Variants in ANGPT1 observed in about 807,000 individuals in gnomAD.
ANGPT1 encodes the protein angiopoietin 1.
A neutral mutation model predicts 62.2 loss-of-function variants in ANGPT1; 17 were observed. That is an observed-to-expected ratio of 0.27 (90% confidence interval 0.19 to 0.41). The LOEUF (loss-of-function observed/expected upper bound fraction) is 0.41. Ranked by LOEUF, ANGPT1 falls within the 10% of genes least tolerant of loss-of-function variation. The pLI, the probability that ANGPT1 is intolerant of heterozygous loss-of-function variation, is 1.00. For synonymous variants in ANGPT1, 199 were observed against 198.9 expected, an observed-to-expected ratio of 1.00 and a Z score of 0.00; for missense variants, 478 against 594.9, an observed-to-expected ratio of 0.80 and a Z score of 2.04.
chr8:107,255,402 G>C (rs1234853136), intron 8 of ANGPT1, among the ~76,000 whole-genome samples: 6 of 151,956 alleles, frequency 3.9e-5, no homozygotes, highest in Non-Finnish European at 7.4e-5. Flanking sequence ...TAAACAGGAG[G>C]GAAAACATAA....
intron 1 of ANGPT1, among the ~76,000 whole-genome samples, chr8:107,425,714 G>A (rs1811024103): frequency 6.6e-6 from 1 of 152,196 alleles, no homozygotes; most frequent in Non-Finnish European, 1.5e-5. Flanking sequence ...GGAAAGATGT[G>A]AAGCAGAGGC....
intron 7 of ANGPT1, among the ~76,000 whole-genome samples, chr8:107,283,519 C>A (rs1814065519): frequency 6.6e-6 from 1 of 151,010 alleles, no homozygotes; most frequent in Non-Finnish European, 1.5e-5. Context: ...AGAATTCAAA[C>A]TTTTAAAAAA....
At chr8:107,415,114 G>A (rs960999874) in intron 1 of ANGPT1, among the ~76,000 whole-genome samples, 2 of 152,116 alleles carry the variant, frequency 1.3e-5, no homozygotes, top group African/African-American at 2.4e-5. Context: ...AAACCAACAC[G>A]ATTTAAAGAT....
chr8:107,458,957 A>T (rs1195916680), intron 1 of ANGPT1, among the ~76,000 whole-genome samples: 1 of 152,152 alleles, frequency 6.6e-6, no homozygotes, highest in East Asian at 1.9e-4. Context: ...CCCAAATTCA[A>T]ACCTAGAAGA....
chr8:107,389,080 A>G (rs796620457), intron 1 of ANGPT1, among the ~76,000 whole-genome samples: 3 of 152,326 alleles, frequency 2.0e-5, no homozygotes, highest in African/African-American at 7.2e-5. Context: ...CATCCTTTAT[A>G]GCCATGATGA....
chr8:107,257,891 G>GTTT (rs1554576258), intron 8 of ANGPT1, among the ~76,000 whole-genome samples: 5 of 107,812 alleles, frequency 4.6e-5, no homozygotes, highest in South Asian at 3.5e-4. Context: ...TTTTTTGTTT[G>GTTT]TTTGTTTGTT....
intron 3 of ANGPT1, chr8:107,322,809 A>T (rs73701084): frequency 0.028 from 7,121 of 253,798 alleles, 512 homozygotes; most frequent in African/African-American, 0.15. Flanking sequence ...AAAAACAGCA[A>T]TATACATTCT....
In ANGPT1 at chr8:107,360,417, G is replaced by A. The variant is rs114446104; in HGVS notation, c.298-13320C>T. 3.9e-3 allele frequency among the ~76,000 whole-genome samples: 589 copies of A among 152,140 alleles called. 6 individuals carry two copies. Among genetic ancestry groups the A allele is most frequent in the African/African-American group, 0.014 (564 of 41,490 alleles). On this transcript the variant is annotated intron_variant, in intron 1 of 8. Transcript: ENST00000517746. The stretch of plus-strand genomic sequence containing the variant: ...ACTACAGAGCCCAAATATTGCAGTC[G>A]ATATTCAGACTCAAGTCTCTTTGAT...
intron 1 of ANGPT1, among the ~76,000 whole-genome samples, chr8:107,363,454 G>A (rs552318339): frequency 5.3e-5 from 8 of 152,070 alleles, no homozygotes; most frequent in South Asian, 2.1e-4. Flanking sequence ...TTATATTTAC[G>A]TGAGAAGCAG....
chr8:107,376,591 G>C (rs1816535397), intron 1 of ANGPT1, among the ~76,000 whole-genome samples: 1 of 152,078 alleles, frequency 6.6e-6, no homozygotes, highest in Non-Finnish European at 1.5e-5. Context: ...CAGGAGGAGG[G>C]AGCAGTGCAT....
intron 2 of ANGPT1, among the ~76,000 whole-genome samples, chr8:107,344,191 G>A (rs943495851): frequency 6.6e-6 from 1 of 152,180 alleles, no homozygotes; most frequent in African/African-American, 2.4e-5. Context: ...TGGATTATTA[G>A]AGGCAAATTT....
At chr8:107,472,003 C>G (rs562721469) in intron 1 of ANGPT1, among the ~76,000 whole-genome samples, 1 of 151,996 alleles carries the variant, frequency 6.6e-6, no homozygotes, top group African/African-American at 2.4e-5. Context: ...CTTATTATGT[C>G]TCTTTAGGCT....
intron 1 of ANGPT1, among the ~76,000 whole-genome samples, chr8:107,477,934 G>A (rs1161201338): frequency 6.6e-6 from 1 of 151,984 alleles, no homozygotes; most frequent in Non-Finnish European, 1.5e-5. Context: ...ATAAAAATTG[G>A]TATAAAATGA....
intron 2 of ANGPT1, among the ~76,000 whole-genome samples, chr8:107,341,640 T>C (rs1815697972): frequency 6.7e-6 from 1 of 148,562 alleles, no homozygotes; most frequent in Non-Finnish European, 1.5e-5. Context: ...TATATATGTA[T>C]ATATTATAAC....
At chr8:107,307,581 G>A (rs1379583800) in intron 4 of ANGPT1, among the ~76,000 whole-genome samples, 10 of 151,736 alleles carry the variant, frequency 6.6e-5, no homozygotes, top group East Asian at 3.9e-4. Context: ...TTCCCCTCGC[G>A]TTTTTTGTTG....
At chr8:107,470,677 T>A (rs999311637) in intron 1 of ANGPT1, among the ~76,000 whole-genome samples, 4 of 152,016 alleles carry the variant, frequency 2.6e-5, no homozygotes, top group Non-Finnish European at 5.9e-5. Context: ...TGCCATTTCT[T>A]TTGGTGTTTT....
At chr8:107,383,672 A>T (rs1586276733) in intron 1 of ANGPT1, among the ~76,000 whole-genome samples, 1 of 152,174 alleles carries the variant, frequency 6.6e-6, no homozygotes, top group East Asian at 1.9e-4. Flanking sequence ...TAGAAGAGAC[A>T]TTCCAACATC....
chr8:107,342,946 C>G (rs934133646), intron 2 of ANGPT1, among the ~76,000 whole-genome samples: 4 of 151,510 alleles, frequency 2.6e-5, no homozygotes, highest in African/African-American at 9.7e-5. Flanking sequence ...AAGGGATCCT[C>G]CAGCCTTAGC....
chr8:107,431,527 T>G (rs766397271), intron 1 of ANGPT1, among the ~76,000 whole-genome samples: 15 of 152,346 alleles, frequency 9.8e-5, no homozygotes, highest in South Asian at 2.1e-4. Flanking sequence ...CCCGGAGCCT[T>G]GCACAGGCCA....
Sources: gnomAD v4.1 joint callset for allele counts (sites outside exome capture counted in the v4.1 genomes callset) on GRCh38, gnomAD v4.1.1 for gene constraint, MANE v1.5 for transcripts, NCBI Gene and HGNC (gene_info 2026-07-23, HGNC 2026-07-21) for gene names.